The following ANKRD28 variants were observed in gnomAD, a reference collection of about 807,000 sequenced individuals.
ANKRD28 encodes ankyrin repeat domain 28.
Under a neutral mutation model 126.5 loss-of-function variants are expected in ANKRD28, and 44 were observed. That is an observed-to-expected ratio of 0.35 (90% confidence interval 0.27 to 0.45). The LOEUF is 0.45. ANKRD28 is among the 20% of genes least tolerant of loss of function. The pLI, the probability that ANKRD28 is intolerant of heterozygous loss-of-function variation, is 1.00. For synonymous variants in ANKRD28, 442 were observed against 468.5 expected (o/e 0.94, Z 0.73); for missense variants, 1,110 against 1,316.6 (o/e 0.84, Z 2.43).
At chr3:15,803,614 TAAAAAA>T (rs145887818) in intron 1 of ANKRD28, among the ~76,000 whole-genome samples, 1 of 125,272 alleles carries the variant, frequency 8.0e-6, no homozygotes, top group African/African-American at 3.0e-5. Flanking sequence ...AGACTCCATT[TAAAAAA>T]AAAAAAAAAA....
At chr3:15,694,548 AAAAAAC>A (rs2069262108) in intron 17 of ANKRD28, among the ~76,000 whole-genome samples, 185 bp downstream of exon 17, 1 of 151,888 alleles carries the variant, frequency 6.6e-6, no homozygotes. Context: ...CAAGAAACAG[AAAAAAC>A]AAAAACAAAA....
chr3:15,751,919 T>A, intron 3 of ANKRD28, 99 bp from the exon 4 acceptor site: 2 of 772,522 alleles, frequency 2.6e-6, no homozygotes, highest in Non-Finnish European at 3.9e-6. Context: ...ATTGGATAAA[T>A]GACAATTGAA....
chr3:15,842,878 C>T (rs1197769905), intron 1 of ANKRD28, among the ~76,000 whole-genome samples: 6 of 152,154 alleles, frequency 3.9e-5, no homozygotes, highest in Non-Finnish European at 4.4e-5. Context: ...TGATTTACTG[C>T]TTTACACTGA....
chr3:15,720,455 CACA>C (rs2073594298), intron 8 of ANKRD28, among the ~76,000 whole-genome samples: 1 of 152,190 alleles, frequency 6.6e-6, no homozygotes, highest in Non-Finnish European at 1.5e-5. Flanking sequence ...CACCTCTAAA[CACA>C]ACATTAACTA....
At chr3:15,783,076 T>C (rs972073029) in intron 2 of ANKRD28, among the ~76,000 whole-genome samples, 3 of 151,860 alleles carry the variant, frequency 2.0e-5, no homozygotes, top group Non-Finnish European at 2.9e-5. Flanking sequence ...CATAAAAGAA[T>C]TGATAAATGT....
At chr3:15,743,471 C>T (rs898382232) in intron 4 of ANKRD28, among the ~76,000 whole-genome samples, 3 of 151,764 alleles carry the variant, frequency 2.0e-5, no homozygotes, top group Non-Finnish European at 4.4e-5. Flanking sequence ...GTTATCTTGA[C>T]AGACCTAAAA....
chr3:15,790,484 C>T (rs1289831279), intron 2 of ANKRD28, among the ~76,000 whole-genome samples: 2 of 151,740 alleles, frequency 1.3e-5, no homozygotes, highest in African/African-American at 2.4e-5. Flanking sequence ...AAGGATGGTT[C>T]AAAACACAAA....
chr3:15,785,891 CAT>C (rs1425904881), intron 2 of ANKRD28, among the ~76,000 whole-genome samples: 4 of 151,700 alleles, frequency 2.6e-5, no homozygotes, highest in Non-Finnish European at 5.9e-5. Context: ...ATTAAAAAAA[CAT>C]AGAAGAAATG....
intron 2 of ANKRD28, among the ~76,000 whole-genome samples, chr3:15,778,193 G>GCT (rs1406973420): frequency 6.6e-6 from 1 of 152,024 alleles, no homozygotes; most frequent in Non-Finnish European, 1.5e-5. Context: ...ATGTTCAATG[G>GCT]CTCTAACTCT....
intron 6 of ANKRD28, among the ~76,000 whole-genome samples, chr3:15,734,711 T>A (rs2074899012): frequency 6.6e-6 from 1 of 152,216 alleles, no homozygotes; most frequent in South Asian, 2.1e-4. Flanking sequence ...AGTTTTAGCA[T>A]CCAGAAGCGA....
rs376578867 is a variant in ANKRD28, at chr3:15,710,437, T to C, written c.1338-701A>G. 9.2e-5 allele frequency among the ~76,000 whole-genome samples: 14 copies of C among 152,302 alleles called. No individual in the cohort carries two copies. In the East Asian group the frequency reaches 2.7e-3, roughly 29 times the overall value. On this transcript the variant is annotated intron_variant, in intron 12 of 27. Coordinates refer to ENST00000683139, the MANE Select transcript of ANKRD28 (RefSeq NM_001349278.2). The stretch of plus-strand genomic sequence containing the variant: ...AAGTTAGGTTTTAACTGGAAGGTTC[T>C]CTGGCGACCTTGGAAGAACAAGAAA...
chr3:15,709,170 A>G (rs2126039467), intron 13 of ANKRD28, among the ~76,000 whole-genome samples: 1 of 152,300 alleles, frequency 6.6e-6, no homozygotes, highest in South Asian at 2.1e-4. Flanking sequence ...ATGTGTGGAT[A>G]TATGTGTGTG....
intron 2 of ANKRD28, chr3:15,781,349 G>A (rs114474583): frequency 2.2e-4 from 34 of 152,056 alleles, no homozygotes; most frequent in African/African-American, 7.7e-4. Context: ...AGTGGACTGA[G>A]TGGGGAAGAT....
rs1026485454 is a variant in ANKRD28, at chr3:15,845,715, A to G, written c.27+13662T>C. Among the ~76,000 whole-genome samples the G allele has an allele frequency of 6.6e-6, 1 of 152,184 alleles. No individual in the cohort carries two copies. Among genetic ancestry groups the G allele is most frequent in the African/African-American group, 2.4e-5 (1 of 41,438 alleles). On this transcript the variant is annotated intron_variant, in intron 1 of 27. Coordinates refer to the ANKRD28 transcript ENST00000399451. This position sits in a 1 kb window ranked among gnomAD's most constrained non-coding sequence, Gnocchi z 4.9. The stretch of plus-strand genomic sequence containing the variant: ...ACTACCTGAGACTGGGTAATTTACA[A>G]AGAAAAGAGGTTTAATTGACTCACA...
chr3:15,766,230 A>G lies in ANKRD28; in HGVS notation c.280+4T>C, dbSNP rs375709636. The G allele has an allele frequency of 1.9e-5, 31 of 1,608,446 alleles. No homozygotes were observed. The highest frequency in any genetic ancestry group is 2.6e-5 in the Non-Finnish European group (31 of 1,176,156). On this transcript the variant is annotated splice_donor_region_variant and intron_variant, in intron 3 of 27. Coordinates refer to ENST00000683139, the MANE Select transcript of ANKRD28 (RefSeq NM_001349278.2). ...GTGTTCTTATTACTCAGAGGTTACC[A>G]TACCAGATAAAATAAGAAGTTCAAT...
chr3:15,823,212 C>A (rs187972863), intron 1 of ANKRD28, among the ~76,000 whole-genome samples: 2 of 152,250 alleles, frequency 1.3e-5, no homozygotes, highest in African/African-American at 2.4e-5. Flanking sequence ...AGATCTCTTG[C>A]ATGCACAGTT....
At chr3:15,744,818 A>G (rs990836801) in intron 4 of ANKRD28, among the ~76,000 whole-genome samples, 1 of 152,106 alleles carries the variant, frequency 6.6e-6, no homozygotes, top group Admixed American at 6.6e-5. Context: ...GAATTTCCAC[A>G]CTGTTTTCCA....
intron 23 of ANKRD28, among the ~76,000 whole-genome samples, chr3:15,678,857 G>T (rs978362142): frequency 6.6e-6 from 1 of 152,158 alleles, no homozygotes; most frequent in Non-Finnish European, 1.5e-5. Flanking sequence ...AAAAATAATT[G>T]AGATCTTATA....
intron 1 of ANKRD28, among the ~76,000 whole-genome samples, chr3:15,850,203 A>AT (rs1178743397): frequency 0.018 from 885 of 48,064 alleles, 24 homozygotes; most frequent in South Asian, 0.025. Flanking sequence ...AAAAAAAAAA[A>AT]AATATATATA....
Sources: allele counts gnomAD v4.1 joint callset (sites outside exome capture counted in the v4.1 genomes callset), GRCh38; gene constraint gnomAD v4.1.1; non-coding constraint Gnocchi (gnomAD v3.1); transcripts MANE v1.5; gene names NCBI Gene and HGNC (gene_info 2026-07-23, HGNC 2026-07-21).